The following ABCA6 variants were observed in gnomAD, a reference collection of about 807,000 sequenced individuals.
The protein encoded by ABCA6 is ATP binding cassette subfamily A member 6.
Under a neutral mutation model 191.2 loss-of-function variants are expected in ABCA6, and 164 were observed. The observed-to-expected ratio is 0.86, with a 90% confidence interval of 0.76 to 0.98. The LOEUF (loss-of-function observed/expected upper bound fraction) is 0.98. Ranked by LOEUF, ABCA6 falls within the 50% of genes least tolerant of loss-of-function variation. The pLI is 0.00. For synonymous variants in ABCA6, 636 were observed against 647.7 expected (o/e 0.98, Z 0.27); for missense variants, 1,958 against 1,894.1 (o/e 1.03, Z -0.63).
chr17:69,100,999 G>A, intron 21 of ABCA6, 65 bp from the exon 22 acceptor site: 2 of 1,373,544 alleles, frequency 1.5e-6, no homozygotes, highest in Non-Finnish European at 2.0e-6. Flanking sequence ...CAAGGTTTAT[G>A]TATAAAAGAT....
chr17:69,100,607 G>A (rs564254488), intron 22 of ABCA6, among the ~76,000 whole-genome samples, 190 bp downstream of exon 22: 169 of 145,992 alleles, frequency 1.2e-3, no homozygotes, highest in East Asian at 2.5e-3. Flanking sequence ...ATTCCCTCAC[G>A]ATAATTATCT....
At chr17:69,130,590 T>C (rs1320223067) in intron 6 of ABCA6, among the ~76,000 whole-genome samples, 7 of 152,220 alleles carry the variant, frequency 4.6e-5, no homozygotes, top group Admixed American at 4.6e-4. Context: ...TAGGTTGTTT[T>C]CCATTTTTTT....
intron 2 of ABCA6, among the ~76,000 whole-genome samples, 187 bp from the exon 3 acceptor site, chr17:69,137,687 C>A (rs1425063411): frequency 1.3e-5 from 2 of 152,124 alleles, no homozygotes; most frequent in Non-Finnish European, 2.9e-5. Flanking sequence ...CCACATTTAT[C>A]ATTCTCTAAT....
intron 8 of ABCA6, 62 bp downstream of exon 8, chr17:69,128,557 A>G: frequency 7.7e-7 from 1 of 1,300,384 alleles, no homozygotes; most frequent in Non-Finnish European, 1.1e-6. Context: ...CTGATCCTAC[A>G]GCGTATGAAG....
At chr17:69,129,533 C>A (rs2073821399) in intron 7 of ABCA6, 77 bp downstream of exon 7, 1 of 1,255,432 alleles carries the variant, frequency 8.0e-7, no homozygotes, top group Admixed American at 2.3e-5. Flanking sequence ...ATTGCAGTAA[C>A]CTACTAGGGC....
chr17:69,122,850 A>G (rs988461998), intron 10 of ABCA6, among the ~76,000 whole-genome samples: 2 of 152,008 alleles, frequency 1.3e-5, no homozygotes, highest in Non-Finnish European at 2.9e-5. Context: ...TCAAAGTGAC[A>G]TTGACAAAAA....
rs57384424 is a variant in ABCA6, at chr17:69,106,593, G to GAAA, written c.2390-385_2390-383dup. Among the ~76,000 whole-genome samples, 35 of 102,000 alleles carry GAAA rather than the reference G, an allele frequency of 3.4e-4. 1 individual carries two copies. The highest frequency in any genetic ancestry group is 9.9e-4 in the African/African-American group (25 of 25,358). The allele number at this position is 102,000 out of a possible 152,430, so 66.9% of individuals were successfully genotyped here. A position where few individuals can be genotyped will look rare whatever the true frequency, so the allele number is the denominator to read the frequency against. On this transcript the variant is annotated intron_variant, in intron 18 of 38. Coordinates refer to ENST00000284425, the MANE Select transcript of ABCA6 (RefSeq NM_080284.3). The stretch of plus-strand genomic sequence containing the variant: ...AGGAGACAGAGCAAGACTCCATCTC[G>GAAA]AAAAAAAAAAAAAAAAAAAGTTTTA...
At position 69,105,902 on chromosome 17, in the gene ABCA6, A is replaced by T. The variant is rs560227187; in HGVS notation, c.2573+126T>A. The T allele has an allele frequency of 6.9e-5, 73 of 1,065,424 alleles. No individual in the cohort carries two copies. In the African/African-American group the frequency reaches 1.0e-3, roughly 15 times the overall value. The allele number at this position is 1,065,424 out of a possible 1,614,324, so 66.0% of individuals were successfully genotyped here. ...AGGTATTCCCACTGTCAGAAAAATT[A>T]AATGCTGAATTTATCCACCCCGTGG... is the stretch of plus-strand genomic sequence containing the variant. On this transcript the variant is annotated intron_variant, in intron 19 of 38. Coordinates refer to ENST00000284425, the MANE Select transcript of ABCA6 (RefSeq NM_080284.3).
At chr17:69,105,650 G>T (rs772299384) in intron 19 of ABCA6, 22 bp from the exon 20 acceptor site, 1 of 1,426,388 alleles carries the variant, frequency 7.0e-7, no homozygotes, top group Non-Finnish European at 9.7e-7. Flanking sequence ...AGAAAAATTA[G>T]CATATTAATC....
chr17:69,113,607 A>G lies in ABCA6; in HGVS notation c.1902+11T>C. 1 of 1,612,662 alleles carries G rather than the reference A, an allele frequency of 6.2e-7. No homozygotes were observed. The highest frequency in any genetic ancestry group is 1.3e-5 in the African/African-American group (1 of 74,926). On this transcript the variant is annotated intron_variant, in intron 14 of 38. Transcript: ENST00000284425. ...CGACCTGCTTCCTTCCCCATGCATAATCTCACTTACTTGAGGATCTCCTAA... is the reference window on the plus strand; with the variant it reads ...CGACCTGCTTCCTTCCCCATGCATAGTCTCACTTACTTGAGGATCTCCTAA...
chr17:69,079,330 A>G, intron 37 of ABCA6, 65 bp from the exon 38 acceptor site: 1 of 1,285,346 alleles, frequency 7.8e-7, no homozygotes, highest in Non-Finnish European at 1.1e-6. Flanking sequence ...GAATTTTTTC[A>G]AAATCATAAA....
chr17:69,127,618 T>C (rs1598054180), intron 8 of ABCA6, among the ~76,000 whole-genome samples: 2 of 152,184 alleles, frequency 1.3e-5, no homozygotes, highest in Admixed American at 1.3e-4. Context: ...AGATTGACAA[T>C]ACTAAATCCT....
At chr17:69,101,506 G>A (rs1399697507) in intron 21 of ABCA6, among the ~76,000 whole-genome samples, 2 of 150,848 alleles carry the variant, frequency 1.3e-5, no homozygotes, top group African/African-American at 4.9e-5. Flanking sequence ...TGAGGCAGAA[G>A]AATCACTTAA....
In ABCA6 at chr17:69,081,075, A is replaced by G; in HGVS notation, c.4687T>C (p.Leu1563=). ...ATGTGGTCACTCTTACCTGCTTCTAATTTGTGAAAGGTCTGTGATAGAGGG... is the reference window on the plus strand; with the variant it reads ...ATGTGGTCACTCTTACCTGCTTCTAGTTTGTGAAAGGTCTGTGATAGAGGG... ...VYPLSQTFHK[L]EAVKHNFNLE... is the part of the protein sequence containing the mutation. The change falls in exon 37 of 39, where the codon TTA becomes CTA. Residue 1563 remains leucine, a synonymous_variant. Transcript: ENST00000284425. 6.3e-7 allele frequency: 1 copy of G among 1,595,918 alleles called. No individual in the cohort carries two copies. Among genetic ancestry groups the G allele is most frequent in the Non-Finnish European group, 8.5e-7 (1 of 1,170,220 alleles).
chr17:69,112,395 G>A (rs1317698804), intron 15 of ABCA6, 122 bp from the exon 16 acceptor site: 4 of 660,932 alleles, frequency 6.1e-6, no homozygotes, highest in Non-Finnish European at 1.1e-5. Flanking sequence ...GGTATAACTA[G>A]ATCTAGTGTG....
intron 6 of ABCA6, among the ~76,000 whole-genome samples, chr17:69,129,993 T>C (rs2073833498): frequency 6.6e-6 from 1 of 152,042 alleles, no homozygotes. Context: ...TGATAGATGC[T>C]GAACACTGGT....
chr17:69,124,931 G>T lies in ABCA6; in HGVS notation c.1224C>A (p.Leu408=). 1 of 1,577,268 alleles carries T rather than the reference G, an allele frequency of 6.3e-7. No individual in the cohort carries two copies. The highest frequency in any genetic ancestry group is 1.2e-5 in the South Asian group (1 of 84,540). ...AGTATAATGCCAATAGCAAGTAGATGAGACCATCCAAAAGCAACATAGAAA... is the reference window on the plus strand; with the variant it reads ...AGTATAATGCCAATAGCAAGTAGATTAGACCATCCAAAAGCAACATAGAAA... ...ATFSMLLLDG[L]IYLLLALYFD... Residue 408 remains leucine, a synonymous_variant, in exon 9 of 39, where the codon CTC becomes CTA. Transcript: ENST00000284425.
Position 69,084,405 on chromosome 17 carries a change from C to G in ABCA6, c.4260+27G>C, listed in dbSNP as rs777103028. ...TTTGCTGCCATACCACACCAGCTCT[C>G]CATAGAGCATCACACACCGCACGTA... On this transcript the variant is annotated intron_variant, in intron 33 of 38. Transcript: ENST00000284425. The G allele has an allele frequency of 4.3e-6, 7 of 1,614,020 alleles. No homozygotes were observed. In the East Asian group the frequency reaches 1.6e-4, roughly 36 times the overall value.
At chr17:69,139,993 T>A (rs1166377069) in intron 2 of ABCA6, among the ~76,000 whole-genome samples, 1 of 151,208 alleles carries the variant, frequency 6.6e-6, no homozygotes, top group African/African-American at 2.4e-5. Context: ...ATATACCTAA[T>A]GCTAAATGGC....
Sources: gnomAD v4.1 joint callset for allele counts (sites outside exome capture counted in the v4.1 genomes callset) on GRCh38, gnomAD v4.1.1 for gene constraint, MANE v1.5 for transcripts, NCBI Gene and HGNC (gene_info 2026-07-23, HGNC 2026-07-21) for gene names.